The following EYS variants were observed in gnomAD, a reference collection of about 807,000 sequenced individuals.
EYS encodes the protein protein eyes shut homolog.
Under a neutral mutation model 282.1 loss-of-function variants are expected in EYS, and 250 were observed. The ratio of observed to expected loss-of-function variants is 0.89; its 90% confidence interval spans 0.80 to 0.98. EYS has a LOEUF of 0.98. Among genes scored for constraint, EYS ranks in the 50% least tolerant of loss-of-function variants. The pLI is 0.00. For synonymous variants in EYS, 1,355 were observed against 1,282.9 expected (o/e 1.06, Z -1.20); for missense variants, 4,016 against 3,709.0 (o/e 1.08, Z -2.15).
chr6:64,250,969 A>G (rs1295359586), intron 30 of EYS, among the ~76,000 whole-genome samples: 1 of 152,188 alleles, frequency 6.6e-6, no homozygotes, highest in Non-Finnish European at 1.5e-5. Context: ...GAAACACGTA[A>G]GTAGATCAAA....
At chr6:64,339,627 G>A (rs1388828776) in intron 29 of EYS, among the ~76,000 whole-genome samples, 1 of 151,852 alleles carries the variant, frequency 6.6e-6, no homozygotes, top group Non-Finnish European at 1.5e-5. Context: ...TCCCACTACT[G>A]GGTATCTGCC....
chr6:65,335,955 A>C (rs1219839878), intron 10 of EYS, among the ~76,000 whole-genome samples: 1 of 151,650 alleles, frequency 6.6e-6, no homozygotes, highest in Non-Finnish European at 1.5e-5. Flanking sequence ...TTCTCCTGAT[A>C]CTGAGTGAGT....
chr6:64,878,812 A>G (rs1227015111), intron 19 of EYS, among the ~76,000 whole-genome samples: 2 of 151,944 alleles, frequency 1.3e-5, no homozygotes, highest in East Asian at 3.9e-4. Flanking sequence ...ATTAATGAGC[A>G]ATTCTTGGAA....
At chr6:64,850,254 C>G (rs1765840697) in intron 19 of EYS, among the ~76,000 whole-genome samples, 1 of 152,050 alleles carries the variant, frequency 6.6e-6, no homozygotes, top group Non-Finnish European at 1.5e-5. Flanking sequence ...TCTATATTAA[C>G]TATAAATCTA....
intron 29 of EYS, among the ~76,000 whole-genome samples, chr6:64,323,286 T>G (rs951217489): frequency 3.3e-5 from 5 of 152,178 alleles, no homozygotes; most frequent in African/African-American, 1.2e-4. Context: ...ACACATCCTA[T>G]GTGATTGGCT....
At chr6:65,414,264 A>G (rs1767143052) in intron 5 of EYS, among the ~76,000 whole-genome samples, 1 of 152,134 alleles carries the variant, frequency 6.6e-6, no homozygotes, top group Non-Finnish European at 1.5e-5. Context: ...GTAATAAACT[A>G]TTTCAGGAAT....
chr6:64,020,915 A>G (rs1417416555), intron 33 of EYS, among the ~76,000 whole-genome samples: 1 of 152,168 alleles, frequency 6.6e-6, no homozygotes, highest in Non-Finnish European at 1.5e-5. Flanking sequence ...CTATTTTTGT[A>G]TTAAAGGATT....
chr6:64,782,670 T>C (rs1462622545), intron 22 of EYS, among the ~76,000 whole-genome samples: 3 of 152,200 alleles, frequency 2.0e-5, no homozygotes, highest in Non-Finnish European at 4.4e-5. Flanking sequence ...TATCTCCTAG[T>C]TTATTTGTAT....
chr6:64,398,009 A>G (rs558846684), intron 28 of EYS, among the ~76,000 whole-genome samples: 1 of 138,638 alleles, frequency 7.2e-6, no homozygotes, highest in East Asian at 2.5e-4. Flanking sequence ...ACAAATACAC[A>G]GGTATTTTTC....
At chr6:64,152,290 G>T (rs778806871) in intron 31 of EYS, among the ~76,000 whole-genome samples, 7 of 152,140 alleles carry the variant, frequency 4.6e-5, no homozygotes, top group Non-Finnish European at 7.4e-5. Flanking sequence ...AAGAAAAAAA[G>T]TGATAACAAA....
chr6:65,655,419 T>C, intron 1 of EYS, among the ~76,000 whole-genome samples: 1 of 151,626 alleles, frequency 6.6e-6, no homozygotes, highest in Admixed American at 6.6e-5. Flanking sequence ...TTGTTGTTTA[T>C]AGTATATATA....
chr6:64,047,815 C>T (rs1181681214), intron 33 of EYS, among the ~76,000 whole-genome samples: 2 of 152,200 alleles, frequency 1.3e-5, no homozygotes, highest in African/African-American at 4.8e-5. Context: ...TGGGAACTAT[C>T]ATTAAGGTGA....
chr6:64,197,928 T>A (rs1434085299), intron 31 of EYS, among the ~76,000 whole-genome samples: 1 of 151,722 alleles, frequency 6.6e-6, no homozygotes, highest in East Asian at 1.9e-4. Context: ...ATGGTAAATT[T>A]TACTTATTCA....
intron 35 of EYS, among the ~76,000 whole-genome samples, chr6:63,970,755 G>A (rs1195742866): frequency 6.6e-6 from 1 of 152,032 alleles, no homozygotes; most frequent in Admixed American, 6.6e-5. Flanking sequence ...CACTGTGACT[G>A]CTTTCTTACT....
intron 35 of EYS, among the ~76,000 whole-genome samples, chr6:63,920,897 C>CTT (rs545654220): frequency 6.9e-6 from 1 of 144,168 alleles, no homozygotes; most frequent in African/African-American, 2.5e-5. Context: ...TTCTTTCTTC[C>CTT]TTTTTTTTTT....
intron 12 of EYS, among the ~76,000 whole-genome samples, chr6:65,171,868 T>C (rs1054145462): frequency 2.6e-5 from 4 of 151,592 alleles, no homozygotes; most frequent in Non-Finnish European, 4.4e-5. Flanking sequence ...ATTTTTGTTG[T>C]ATTTTATTTA....
At chr6:64,841,322 AG>A (rs149943851) in intron 19 of EYS, among the ~76,000 whole-genome samples, 1 of 152,288 alleles carries the variant, frequency 6.6e-6, no homozygotes, top group African/African-American at 2.4e-5. Flanking sequence ...ATAAATGTTA[AG>A]GTAAATTTAA....
At chr6:64,370,727 T>C (rs1772338217) in intron 29 of EYS, among the ~76,000 whole-genome samples, 1 of 152,074 alleles carries the variant, frequency 6.6e-6, no homozygotes. Context: ...AGGGATTCAA[T>C]CTCTTCTCGG....
chr6:65,133,711 C>A (rs1370517364), intron 12 of EYS, among the ~76,000 whole-genome samples: 1 of 151,870 alleles, frequency 6.6e-6, no homozygotes, highest in Non-Finnish European at 1.5e-5. Context: ...CAGAAACAGG[C>A]AAACCTTTCA....
Sources: allele counts gnomAD v4.1 joint callset (sites outside exome capture counted in the v4.1 genomes callset), GRCh38; gene constraint gnomAD v4.1.1; transcripts MANE v1.5; gene names NCBI Gene and HGNC (gene_info 2026-07-23, HGNC 2026-07-21).